The following MEI1 variants were observed in gnomAD, a reference collection of about 807,000 sequenced individuals.
MEI1 encodes the protein meiosis inhibitor protein 1.
In MEI1, 103 loss-of-function variants were observed where a neutral mutation model predicts 146.2. That is an observed-to-expected ratio of 0.70 (90% CI 0.60 to 0.83). The LOEUF (loss-of-function observed/expected upper bound fraction) is 0.83, where lower values mean the gene tolerates loss of function less well. Among genes scored for constraint, MEI1 ranks in the 40% least tolerant of loss-of-function variants. MEI1 has a pLI of 0.00. For missense variants in MEI1, 1,529 were observed against 1,533.0 expected (o/e 1.00, Z 0.04); for synonymous variants, 652 against 628.2 (o/e 1.04, Z -0.57).
At chr22:41,717,755 A>G (rs187468927) in intron 5 of MEI1, among the ~76,000 whole-genome samples, 202 of 150,984 alleles carry the variant, frequency 1.3e-3, no homozygotes, top group African/African-American at 4.7e-3. Context: ...AGCTGGGATT[A>G]CAGGCGTGTG....
intron 11 of MEI1, among the ~76,000 whole-genome samples, chr22:41,741,344 C>A (rs2072852258): frequency 6.6e-6 from 1 of 152,148 alleles, no homozygotes; most frequent in African/African-American, 2.4e-5. Flanking sequence ...GAAACCAATA[C>A]CCTGTGAAAT....
At chr22:41,737,528 C>T (rs978585821) in intron 11 of MEI1, among the ~76,000 whole-genome samples, 7 of 150,572 alleles carry the variant, frequency 4.6e-5, no homozygotes, top group African/African-American at 1.7e-4. Context: ...CGTGAGCCAC[C>T]GCGCCCGGCC....
At chr22:41,734,323 T>C (rs892074036) in intron 11 of MEI1, among the ~76,000 whole-genome samples, 9 of 151,992 alleles carry the variant, frequency 5.9e-5, no homozygotes, top group African/African-American at 2.2e-4. Flanking sequence ...CGGGGCGCGG[T>C]GGCTCACGCC....
chr22:41,723,678 T>C (rs575355640), intron 6 of MEI1, among the ~76,000 whole-genome samples: 6 of 152,268 alleles, frequency 3.9e-5, no homozygotes, highest in African/African-American at 1.4e-4. Context: ...ATGAAACTTA[T>C]AGTTGAGTGA....
At chr22:41,771,421 G>C (rs2075176326) in intron 20 of MEI1, among the ~76,000 whole-genome samples, 1 of 152,124 alleles carries the variant, frequency 6.6e-6, no homozygotes, top group Admixed American at 6.5e-5. Context: ...GGCATACCTA[G>C]AATTGTCAGA....
intron 11 of MEI1, among the ~76,000 whole-genome samples, chr22:41,740,398 C>T (rs1282679276): frequency 3.3e-5 from 5 of 151,934 alleles, no homozygotes; most frequent in Admixed American, 1.3e-4. Context: ...TTCAGAGTGT[C>T]TTTGGAAAGC....
At chr22:41,784,518 C>A in intron 25 of MEI1, 90 bp from the exon 26 acceptor site, 1 of 1,594,498 alleles carries the variant, frequency 6.3e-7, no homozygotes, top group South Asian at 1.1e-5. Flanking sequence ...CCATAATTGT[C>A]TCATCTTCAT....
chr22:41,794,447 C>CA lies in MEI1; in HGVS notation c.3505dup (p.Arg1169LysfsTer3). The CA allele has an allele frequency of 1.9e-6, 3 of 1,613,986 alleles. No homozygotes were observed. The South Asian group carries it at 3.3e-5, about 18-fold the overall frequency. On this transcript the variant is annotated frameshift_variant, in exon 28 of 31. Transcript: ENST00000401548. LOFTEE classifies it high-confidence loss of function. Reference sequence around the variant, plus strand: ...TGGATGCTGGAGAGAATTCCTTCCTCAGACCTGAGATTTTGAGGCTCATGA... The same window carrying CA: ...TGGATGCTGGAGAGAATTCCTTCCTCAAGACCTGAGATTTTGAGGCTCATGA...
rs1393547542 is a variant in MEI1 at position 41,740,463 on chromosome 22, C to T, written c.1332-2617C>T. Among the ~76,000 whole-genome samples, 3 of 151,842 alleles carry T rather than the reference C, an allele frequency of 2.0e-5. No individual in the cohort carries two copies. In the East Asian group the frequency reaches 5.8e-4, roughly 29 times the overall value. On this transcript the variant is annotated intron_variant, in intron 11 of 30. Transcript: ENST00000401548. ...GCTGCTAAAAAGAATTTAAAGAGGC[C>T]GGGTATAGTGGCTCACACCTGTAAT...
At chr22:41,779,600 G>T (rs796194992) in intron 22 of MEI1, among the ~76,000 whole-genome samples, 23 of 152,176 alleles carry the variant, frequency 1.5e-4, no homozygotes, top group Admixed American at 1.3e-4. Context: ...CTAAACTAGG[G>T]TTAAGATACG....
At chr22:41,771,536 C>T (rs748296909) in intron 20 of MEI1, among the ~76,000 whole-genome samples, 21 of 151,962 alleles carry the variant, frequency 1.4e-4, no homozygotes, top group Non-Finnish European at 2.4e-4. Context: ...CCCGGGTTCA[C>T]GCAATTCTCC....
chr22:41,719,993 C>G (rs1446262160), intron 6 of MEI1, among the ~76,000 whole-genome samples: 2 of 152,132 alleles, frequency 1.3e-5, no homozygotes, highest in Non-Finnish European at 2.9e-5. Flanking sequence ...CGTTCTATAG[C>G]TGGCCCTGTG....
At chr22:41,701,113 A>G (rs371150923) in intron 1 of MEI1, among the ~76,000 whole-genome samples, 2 of 151,418 alleles carry the variant, frequency 1.3e-5, no homozygotes, top group East Asian at 1.9e-4. Flanking sequence ...CTAATTTTGT[A>G]TTTTTAGTAT....
chr22:41,735,156 G>A (rs1032180215), intron 11 of MEI1, among the ~76,000 whole-genome samples: 1 of 149,686 alleles, frequency 6.7e-6, no homozygotes, highest in Non-Finnish European at 1.5e-5. Context: ...TAGAGACGGG[G>A]TTTCACTGTG....
At chr22:41,779,558 A>G (rs1329906517) in intron 22 of MEI1, among the ~76,000 whole-genome samples, 1 of 152,198 alleles carries the variant, frequency 6.6e-6, no homozygotes. Flanking sequence ...TGTGAGTCTT[A>G]GGTTCCTCAT....
intron 19 of MEI1, among the ~76,000 whole-genome samples, chr22:41,765,788 A>G (rs1381943029): frequency 1.3e-5 from 2 of 151,858 alleles, no homozygotes; most frequent in African/African-American, 4.8e-5. Context: ...TTACATAATC[A>G]GTGTACAGTG....
At chr22:41,776,001 C>A in intron 20 of MEI1, 101 bp from the exon 21 acceptor site, 1 of 1,226,442 alleles carries the variant, frequency 8.2e-7, no homozygotes, top group Non-Finnish European at 1.2e-6. Flanking sequence ...GTTTTTGTGA[C>A]ATCATAATTA....
At chr22:41,771,947 C>G (rs2075204092) in intron 20 of MEI1, among the ~76,000 whole-genome samples, 1 of 152,058 alleles carries the variant, frequency 6.6e-6, no homozygotes, top group African/African-American at 2.4e-5. Context: ...TAAGTCTGTC[C>G]AGGGATAGTA....
chr22:41,775,586 G>A (rs1351717338), intron 20 of MEI1, among the ~76,000 whole-genome samples: 2 of 151,072 alleles, frequency 1.3e-5, no homozygotes, highest in Non-Finnish European at 2.9e-5. Context: ...TAATAGGATG[G>A]ACCTATTCTT....
Sources: gnomAD v4.1 joint callset for allele counts (sites outside exome capture counted in the v4.1 genomes callset) on GRCh38, gnomAD v4.1.1 for gene constraint, MANE v1.5 for transcripts, NCBI Gene and HGNC (gene_info 2026-07-23, HGNC 2026-07-21) for gene names.